Variants in SMARCA2 observed in about 807,000 individuals in gnomAD.
SMARCA2 encodes SWI/SNF-related matrix-associated actin-dependent regulator of chromatin subfamily A member 2.
SMARCA2 carries 61 observed loss-of-function variants against 199.8 expected under a neutral mutation model. The ratio of observed to expected loss-of-function variants is 0.31; its 90% CI spans 0.25 to 0.38. The LOEUF (loss-of-function observed/expected upper bound fraction) is 0.38. Among genes scored for constraint, SMARCA2 ranks in the 10% least tolerant of loss-of-function variants. The pLI is 1.00. For synonymous variants in SMARCA2, 935 were observed against 732.0 expected, an observed-to-expected ratio of 1.28 and a Z score of -4.48; for missense variants, 1,344 against 2,012.2, an observed-to-expected ratio of 0.67 and a Z score of 6.35.
chr9:2,173,934 T>G (rs1274634376), intron 29 of SMARCA2, among the ~76,000 whole-genome samples: 1 of 152,226 alleles, frequency 6.6e-6, no homozygotes, highest in Non-Finnish European at 1.5e-5. Context: ...CTCGGAGATG[T>G]GGACTCCAGT....
At chr9:2,181,509 T>C (rs1322292749) in intron 29 of SMARCA2, 62 bp from the exon 30 acceptor site, 3 of 831,562 alleles carry the variant, frequency 3.6e-6, no homozygotes, top group Non-Finnish European at 6.3e-6. Context: ...GAAATAAAAA[T>C]AAAACCTTTC....
At chr9:2,074,635 C>T (rs1821242716) in intron 12 of SMARCA2, among the ~76,000 whole-genome samples, 1 of 152,176 alleles carries the variant, frequency 6.6e-6, no homozygotes, top group African/African-American at 2.4e-5. Flanking sequence ...GGGAAGCTGA[C>T]GCAGGAGAAT....
chr9:2,027,100 T>G (rs1403380201), intron 1 of SMARCA2, among the ~76,000 whole-genome samples: 1 of 117,590 alleles, frequency 8.5e-6, no homozygotes, highest in Non-Finnish European at 1.7e-5. Context: ...AAGGATTTCT[T>G]TATGGGAACA....
chr9:2,040,834 T>C (rs1049060873), intron 4 of SMARCA2: 11 of 152,328 alleles, frequency 7.2e-5, no homozygotes, highest in African/African-American at 2.4e-4. Context: ...TTGATCCCAT[T>C]GATAGACTTC....
At chr9:2,053,770 C>T (rs1820230976) in intron 5 of SMARCA2, among the ~76,000 whole-genome samples, 2 of 152,160 alleles carry the variant, frequency 1.3e-5, no homozygotes, top group South Asian at 4.1e-4. Flanking sequence ...TTCAGGTGAA[C>T]TCTAAAACCA....
chr9:2,022,508 T>C (rs1818649189), intron 1 of SMARCA2, among the ~76,000 whole-genome samples: 1 of 152,202 alleles, frequency 6.6e-6, no homozygotes, highest in South Asian at 2.1e-4. Flanking sequence ...GTTGAATTGT[T>C]GTTGCTACTG....
At chr9:2,180,387 C>G (rs779223619) in intron 29 of SMARCA2, among the ~76,000 whole-genome samples, 2 of 152,154 alleles carry the variant, frequency 1.3e-5, no homozygotes, top group African/African-American at 2.4e-5. Flanking sequence ...ACTGCGCATG[C>G]CTTTTTTATG....
rs1355118456 is a variant in SMARCA2, at chr9:2,070,517, T to C, written c.1746+46T>C. 3 of 1,429,456 alleles carry C rather than the reference T, an allele frequency of 2.1e-6. No homozygotes were observed. In the East Asian group the frequency reaches 6.8e-5, roughly 33 times the overall value. 88.5% of individuals were successfully genotyped at this position (1,429,456 alleles called of 1,614,324 possible). ...CCACTGTGTTCTGCTGAATGGAGTC[T>C]GTGCCATACCTGGCAGCACCATTCT... On this transcript the variant is annotated intron_variant, in intron 10 of 33. Transcript: ENST00000349721.
intron 27 of SMARCA2, among the ~76,000 whole-genome samples, chr9:2,145,328 AAG>A (rs1563800521): frequency 1.3e-5 from 2 of 151,302 alleles, no homozygotes; most frequent in African/African-American, 2.4e-5. Flanking sequence ...AAAAAAAAAA[AAG>A]AGAGAGAAAC....
chr9:2,168,700 A>G (rs962813384), intron 28 of SMARCA2, among the ~76,000 whole-genome samples: 2 of 152,184 alleles, frequency 1.3e-5, no homozygotes, highest in African/African-American at 4.8e-5. Context: ...TTTAAACCAA[A>G]TCTATGTCAT....
At chr9:2,113,696 C>G (rs1192724801) in intron 24 of SMARCA2, among the ~76,000 whole-genome samples, 1 of 152,190 alleles carries the variant, frequency 6.6e-6, no homozygotes, top group African/African-American at 2.4e-5. Flanking sequence ...TTAACTGCAG[C>G]AAATTCCCAA....
chr9:2,111,345 TG>T (rs1417625898), intron 24 of SMARCA2, among the ~76,000 whole-genome samples: 2 of 151,762 alleles, frequency 1.3e-5, no homozygotes, highest in Non-Finnish European at 2.9e-5. Context: ...AAAAATTAGC[TG>T]GGCACAGTGG....
chr9:2,153,997 T>C (rs1825210750), intron 27 of SMARCA2, among the ~76,000 whole-genome samples: 1 of 152,220 alleles, frequency 6.6e-6, no homozygotes, highest in African/African-American at 2.4e-5. Context: ...AAGTTATTGT[T>C]TTCTGCTATA....
At chr9:2,160,054 T>C in intron 27 of SMARCA2, 1 of 1,013,854 alleles carries the variant, frequency 9.9e-7, no homozygotes, top group Admixed American at 2.4e-5. Context: ...CATTAACTGT[T>C]GACAGCCTTG....
chr9:2,026,630 A>T (rs1241774417), intron 1 of SMARCA2, among the ~76,000 whole-genome samples: 1 of 152,100 alleles, frequency 6.6e-6, no homozygotes, highest in Non-Finnish European at 1.5e-5. Context: ...CATTGTTCAA[A>T]CTCGTGGTAT....
At chr9:2,150,134 G>A (rs758313138) in intron 27 of SMARCA2, among the ~76,000 whole-genome samples, 7 of 151,634 alleles carry the variant, frequency 4.6e-5, no homozygotes, top group Non-Finnish European at 1.0e-4. Context: ...TCCCTGGGAA[G>A]AGCTAGTCAT....
chr9:2,028,713 A>AT (rs1818935430), intron 1 of SMARCA2, among the ~76,000 whole-genome samples: 1 of 152,176 alleles, frequency 6.6e-6, no homozygotes, highest in Admixed American at 6.5e-5. Context: ...TATGTGTTAA[A>AT]TTTGAGTTTC....
In SMARCA2 at chr9:2,111,041, G is replaced by GTTTTT. The variant is rs371262213; in HGVS notation, c.3456+628_3456+629insTTTTT. ...TATCCTTTTAAAGCAGTACTTTGAT[G>GTTTTT]TTTTGTTTTTTTTTTTTTAAATTGA... On this transcript the variant is annotated intron_variant, in intron 24 of 33. Transcript: ENST00000349721. 5.1e-3 allele frequency among the ~76,000 whole-genome samples: 750 copies of GTTTTT among 147,826 alleles called. 10 individuals carry two copies. Among genetic ancestry groups the GTTTTT allele is most frequent in the African/African-American group, 0.017 (697 of 39,976 alleles).
At chr9:2,035,062 G>C (rs1205594814) in intron 3 of SMARCA2, among the ~76,000 whole-genome samples, 1 of 144,124 alleles carries the variant, frequency 6.9e-6, no homozygotes, top group Non-Finnish European at 1.5e-5. Context: ...ATATTTTTGA[G>C]GCACAGTCTC....
Sources: gnomAD v4.1 joint callset for allele counts (sites outside exome capture counted in the v4.1 genomes callset) on GRCh38, gnomAD v4.1.1 for gene constraint, MANE v1.5 for transcripts, NCBI Gene and HGNC (gene_info 2026-07-23, HGNC 2026-07-21) for gene names.